HCRTR2: variants seen among roughly 807,000 people sequenced by gnomAD.
HCRTR2 encodes the protein hypocretin receptor 2.
In HCRTR2, 22 loss-of-function variants were observed where a neutral mutation model predicts 49.0. The observed-to-expected ratio is 0.45, with a 90% CI of 0.32 to 0.64. HCRTR2 has a LOEUF of 0.64. Among genes scored for constraint, HCRTR2 ranks in the 30% least tolerant of loss-of-function variants. The pLI is 0.04. For synonymous variants in HCRTR2, 236 were observed against 205.3 expected (o/e 1.15, Z -1.28); for missense variants, 491 against 559.4 (o/e 0.88, Z 1.23).
At chr6:55,226,024 T>C (rs542278624) in intron 1 of HCRTR2, among the ~76,000 whole-genome samples, 33 of 152,284 alleles carry the variant, frequency 2.2e-4, no homozygotes, top group East Asian at 2.1e-3. Context: ...CCCTGTGCAA[T>C]GAGAGGGACA....
Position 55,198,007 on chromosome 6 carries a change from G to A in HCRTR2, c.223+23197G>A, listed in dbSNP as rs192100247. Among the ~76,000 whole-genome samples the A allele has an allele frequency of 1.6e-4, 24 of 152,134 alleles. No homozygotes were observed. In the East Asian group the frequency reaches 4.1e-3, roughly 26 times the overall value. ...ACCTAACCTGATTACTCACTACAAA[G>A]GTCCCTCTAATTCTAACAAGAAACT... On this transcript the variant is annotated intron_variant, in intron 1 of 6. Transcript: ENST00000370862.
chr6:55,128,138 A>G (rs562541099), intron 1 of HCRTR2, among the ~76,000 whole-genome samples: 12 of 152,282 alleles, frequency 7.9e-5, no homozygotes, highest in Admixed American at 3.9e-4. Context: ...TTTTCTTCAT[A>G]TGGCTGGCTA....
chr6:55,124,862 C>T (rs555396325), intron 1 of HCRTR2, among the ~76,000 whole-genome samples: 2 of 150,992 alleles, frequency 1.3e-5, no homozygotes, highest in South Asian at 2.1e-4. Flanking sequence ...TTATGTAATG[C>T]CCTTCTTTGT....
chr6:55,280,585 TC>T lies in HCRTR2; in HGVS notation c.1105+142del, dbSNP rs1459641181. ...GACCTGATTTATCTTGAGTTTCTTC[TC>T]TTTTGAGGCAAAGTATTTGTTACTG... On this transcript the variant is annotated intron_variant, in intron 6 of 6. Transcript: ENST00000370862. 3.6e-6 allele frequency: 4 copies of T among 1,118,930 alleles called. No homozygotes were observed. The African/African-American group carries it at 6.2e-5, about 17-fold the overall frequency. The allele number at this position is 1,118,930 out of a possible 1,614,324, so 69.3% of individuals were successfully genotyped here.
intron 1 of HCRTR2, among the ~76,000 whole-genome samples, chr6:55,196,616 G>T (rs1476833900): frequency 1.3e-5 from 2 of 152,060 alleles, no homozygotes; most frequent in Non-Finnish European, 2.9e-5. Context: ...GCTTTATTTT[G>T]TTTACATTCA....
intron 1 of HCRTR2, among the ~76,000 whole-genome samples, chr6:55,239,983 G>C (rs999965552): frequency 4.6e-5 from 7 of 151,838 alleles, no homozygotes; most frequent in African/African-American, 1.2e-4. Flanking sequence ...CGCCATGTTG[G>C]CCAGGCCGGT....
At chr6:55,174,416 T>C (rs1764997448), upstream of HCRTR2, 1 of 666,812 alleles carries the variant, frequency 1.5e-6, no homozygotes, top group Non-Finnish European at 2.7e-6. Flanking sequence ...ACCGCAGAAG[T>C]TGCCCGGCAG....
chr6:55,124,083 T>G (rs1764240779), intron 1 of HCRTR2, among the ~76,000 whole-genome samples: 1 of 152,164 alleles, frequency 6.6e-6, no homozygotes, highest in Admixed American at 6.6e-5. Context: ...ATTATTTGAT[T>G]TTTTGAAGGG....
intron 2 of HCRTR2, among the ~76,000 whole-genome samples, chr6:55,251,921 A>T (rs1247912019): frequency 2.6e-5 from 4 of 152,070 alleles, no homozygotes; most frequent in Non-Finnish European, 5.9e-5. Context: ...TTCTCAAATG[A>T]CTTACTATTC....
chr6:55,144,949 T>C (rs992365589), intron 1 of HCRTR2, among the ~76,000 whole-genome samples: 1 of 152,166 alleles, frequency 6.6e-6, no homozygotes, highest in Non-Finnish European at 1.5e-5. Context: ...TTCTCCCTAT[T>C]CAAACTGTCT....
chr6:55,111,378 GT>G (rs1156689917), intron 1 of HCRTR2, among the ~76,000 whole-genome samples: 17 of 151,956 alleles, frequency 1.1e-4, no homozygotes, highest in African/African-American at 4.1e-4. Context: ...ACAAAAAGCT[GT>G]TTCTTTGAAA....
upstream of HCRTR2, chr6:55,174,420 C>T: frequency 3.0e-6 from 2 of 675,428 alleles, no homozygotes; most frequent in Non-Finnish European, 5.4e-6. Flanking sequence ...CAGAAGTTGC[C>T]CGGCAGAAGA....
rs796836135 is a variant in HCRTR2 at position 55,208,327 on chromosome 6, T to TA, written c.223+33533dup. On this transcript the variant is annotated intron_variant, in intron 1 of 6. Transcript: ENST00000370862. ...ACAGTCTCTACGAAAAATAAAAAAA[T>TA]AAAAAAAAAAAAAAAATAGCCAGGT... Among the ~76,000 whole-genome samples the TA allele has an allele frequency of 7.1e-4, 94 of 132,096 alleles. 1 individual carries two copies. The highest frequency in any genetic ancestry group is 2.1e-3 in the East Asian group (9 of 4,286). The allele number at this position is 132,096 out of a possible 152,430, so 86.7% of individuals were successfully genotyped here.
intron 4 of HCRTR2, among the ~76,000 whole-genome samples, chr6:55,277,018 T>C (rs546016071): frequency 6.6e-6 from 1 of 152,320 alleles, no homozygotes; most frequent in South Asian, 2.1e-4. Flanking sequence ...CTTTAAACTT[T>C]GGTATCTGAG....
chr6:55,202,829 C>A (rs6937878), intron 1 of HCRTR2, among the ~76,000 whole-genome samples: 37,501 of 151,888 alleles, frequency 0.25, 5,081 homozygotes, highest in African/African-American at 0.35. Flanking sequence ...CCTGTGGAAA[C>A]ACTTTTATCT....
intron 1 of HCRTR2, among the ~76,000 whole-genome samples, chr6:55,133,370 C>T (rs1764384922): frequency 9.3e-6 from 1 of 107,552 alleles, no homozygotes; most frequent in South Asian, 3.1e-4. Context: ...AGATCATATA[C>T]ACATACACAC....
rs186609095 is a variant in HCRTR2, at chr6:55,186,970, C to G, written c.223+12160C>G. Among the ~76,000 whole-genome samples the G allele has an allele frequency of 2.6e-3, 398 of 152,136 alleles. 1 individual carries two copies. Among genetic ancestry groups the G allele is most frequent in the African/African-American group, 9.1e-3 (377 of 41,486 alleles). Reference sequence around the variant, plus strand: ...TCAGGTGGCGCACAAAACCAATGTTCATAGTAGATGGATAGTTCTAGACAC... The same window carrying G: ...TCAGGTGGCGCACAAAACCAATGTTGATAGTAGATGGATAGTTCTAGACAC... On this transcript the variant is annotated intron_variant, in intron 1 of 6. Transcript: ENST00000370862.
At chr6:55,131,583 A>C (rs578040393) in intron 1 of HCRTR2, among the ~76,000 whole-genome samples, 93 of 151,924 alleles carry the variant, frequency 6.1e-4, no homozygotes, top group African/African-American at 2.2e-3. Flanking sequence ...ATAACACTAA[A>C]GTCAGTTAAT....
intron 1 of HCRTR2, among the ~76,000 whole-genome samples, chr6:55,247,463 T>G (rs1298695362): frequency 6.6e-6 from 1 of 152,096 alleles, no homozygotes; most frequent in African/African-American, 2.4e-5. Flanking sequence ...TGATTCAAAT[T>G]TAACAAAATT....
Sources: allele counts gnomAD v4.1 joint callset (sites outside exome capture counted in the v4.1 genomes callset), GRCh38; gene constraint gnomAD v4.1.1; transcripts MANE v1.5; gene names NCBI Gene and HGNC (gene_info 2026-07-23, HGNC 2026-07-21).